The following DIAPH3 variants were observed in gnomAD, a reference collection of about 807,000 sequenced individuals.
DIAPH3 encodes the protein diaphanous related formin 3.
Under a neutral mutation model 144.3 loss-of-function variants are expected in DIAPH3, and 117 were observed. The observed-to-expected ratio is 0.81, with a 90% CI of 0.70 to 0.95. The LOEUF is 0.95. Ranked by LOEUF, DIAPH3 falls within the 40% of genes least tolerant of loss-of-function variation. The pLI is 0.00. For missense variants in DIAPH3, 1,421 were observed against 1,412.7 expected (o/e 1.01, Z -0.09); for synonymous variants, 519 against 488.9 (o/e 1.06, Z -0.81).
intron 21 of DIAPH3, among the ~76,000 whole-genome samples, chr13:59,871,000 T>C (rs1050766530): frequency 6.6e-6 from 1 of 152,184 alleles, no homozygotes; most frequent in African/African-American, 2.4e-5. Context: ...ATCTTATATG[T>C]ATTTTGTTAG....
At chr13:59,916,018 T>A in intron 19 of DIAPH3, 137 bp downstream of exon 19, 1 of 728,328 alleles carries the variant, frequency 1.4e-6, no homozygotes, top group Non-Finnish European at 2.4e-6. Context: ...ATGCAGAAGT[T>A]ATGCTAAAAC....
At chr13:60,134,293 T>G (rs1483013827) in intron 1 of DIAPH3, among the ~76,000 whole-genome samples, 4 of 152,224 alleles carry the variant, frequency 2.6e-5, no homozygotes, top group Non-Finnish European at 5.9e-5. Context: ...GTGGATTAAC[T>G]AAGGGTTAGT....
At chr13:60,137,666 T>C (rs1385967198) in intron 1 of DIAPH3, among the ~76,000 whole-genome samples, 1 of 152,114 alleles carries the variant, frequency 6.6e-6, no homozygotes, top group African/African-American at 2.4e-5. Flanking sequence ...CATCAATTTA[T>C]TATTATCAGA....
intron 25 of DIAPH3, among the ~76,000 whole-genome samples, chr13:59,805,948 T>C (rs1399843686): frequency 6.6e-6 from 1 of 152,016 alleles, no homozygotes; most frequent in African/African-American, 2.4e-5. Context: ...TGATTTACTA[T>C]GGGTAAGAAA....
intron 24 of DIAPH3, among the ~76,000 whole-genome samples, chr13:59,829,382 G>C (rs1416678219): frequency 6.6e-6 from 1 of 151,838 alleles, no homozygotes; most frequent in East Asian, 1.9e-4. Flanking sequence ...TGTTAACGCA[G>C]GTCAGCCACA....
At chr13:59,675,606 G>A (rs1372629999) in intron 27 of DIAPH3, among the ~76,000 whole-genome samples, 1 of 152,088 alleles carries the variant, frequency 6.6e-6, no homozygotes, top group Non-Finnish European at 1.5e-5. Flanking sequence ...GGATGGTCTC[G>A]ATCTCCTGAG....
intron 24 of DIAPH3, among the ~76,000 whole-genome samples, chr13:59,815,844 G>C (rs144523575): frequency 1.9e-3 from 290 of 152,136 alleles, no homozygotes; most frequent in African/African-American, 6.5e-3. Flanking sequence ...GCTATTCATA[G>C]AGTGCTATAA....
chr13:60,003,547 A>C (rs1195789193), intron 9 of DIAPH3, among the ~76,000 whole-genome samples: 1 of 150,120 alleles, frequency 6.7e-6, no homozygotes, highest in Non-Finnish European at 1.5e-5. Flanking sequence ...CTATCTATCT[A>C]TATATAGATA....
intron 17 of DIAPH3, among the ~76,000 whole-genome samples, chr13:59,925,685 T>C (rs1390353576): frequency 6.6e-6 from 1 of 152,146 alleles, no homozygotes; most frequent in Non-Finnish European, 1.5e-5. Context: ...TCCAGTCTTG[T>C]TGGAAGACTG....
intron 25 of DIAPH3, among the ~76,000 whole-genome samples, chr13:59,790,434 T>A (rs1380123763): frequency 6.6e-6 from 1 of 152,196 alleles, no homozygotes; most frequent in Admixed American, 6.5e-5. Flanking sequence ...ACAAAGTAAT[T>A]TTTACCAGGC....
chr13:59,889,309 TC>T (rs1312946179), intron 20 of DIAPH3, among the ~76,000 whole-genome samples: 4 of 152,088 alleles, frequency 2.6e-5, no homozygotes, highest in Non-Finnish European at 5.9e-5. Context: ...CAGTCTTTCT[TC>T]CTACATAACT....
chr13:59,780,787 G>C (rs1408758778), intron 25 of DIAPH3, among the ~76,000 whole-genome samples: 1 of 152,136 alleles, frequency 6.6e-6, no homozygotes, highest in East Asian at 1.9e-4. Flanking sequence ...ATTTTGATGG[G>C]GAACAAAGAT....
intron 10 of DIAPH3, 60 bp downstream of exon 10, chr13:59,992,413 T>C: frequency 1.5e-6 from 2 of 1,350,374 alleles, no homozygotes; most frequent in Non-Finnish European, 2.1e-6. Context: ...TATCTAAATT[T>C]CCCCCTACTC....
At chr13:59,878,987 A>G (rs577140730) in intron 21 of DIAPH3, among the ~76,000 whole-genome samples, 1 of 152,254 alleles carries the variant, frequency 6.6e-6, no homozygotes, top group African/African-American at 2.4e-5. Context: ...GGTTTATGAT[A>G]TAATTTTGTT....
intron 27 of DIAPH3, among the ~76,000 whole-genome samples, chr13:59,771,550 T>C (rs1203125283): frequency 7.0e-6 from 1 of 143,448 alleles, no homozygotes; most frequent in Non-Finnish European, 1.6e-5. Flanking sequence ...GTCTCAATTG[T>C]TTAACTTTAT....
intron 4 of DIAPH3, among the ~76,000 whole-genome samples, chr13:60,059,581 G>A (rs1407628258): frequency 6.6e-6 from 1 of 151,882 alleles, no homozygotes; most frequent in Non-Finnish European, 1.5e-5. Context: ...GTGTCACACA[G>A]GACCACTTGT....
intron 24 of DIAPH3, among the ~76,000 whole-genome samples, chr13:59,832,353 A>G (rs1366648399): frequency 1.3e-5 from 2 of 151,916 alleles, no homozygotes; most frequent in African/African-American, 2.4e-5. Flanking sequence ...GAGATTAAAA[A>G]GAACCAGTTC....
intron 27 of DIAPH3, among the ~76,000 whole-genome samples, chr13:59,732,242 A>G (rs2035923744): frequency 1.1e-5 from 1 of 93,456 alleles, no homozygotes; most frequent in Non-Finnish European, 2.4e-5. Context: ...TATCTCAAGT[A>G]TTTTTTTGAG....
chr13:60,101,457 T>A (rs1407614071), intron 3 of DIAPH3, among the ~76,000 whole-genome samples: 1 of 152,068 alleles, frequency 6.6e-6, no homozygotes. Context: ...AGGACGGTTC[T>A]GAATGTGGCC....
Sources: allele counts gnomAD v4.1 joint callset (sites outside exome capture counted in the v4.1 genomes callset), GRCh38; gene constraint gnomAD v4.1.1; transcripts MANE v1.5; gene names NCBI Gene and HGNC (gene_info 2026-07-23, HGNC 2026-07-21).